Variants in FRMPD4 observed in about 807,000 individuals in gnomAD.
FRMPD4 encodes the protein FERM and PDZ domain containing 4, also known as FERM and PDZ domain-containing protein 4.
In FRMPD4, 22 loss-of-function variants were observed where a neutral mutation model predicts 94.1. That is an observed-to-expected ratio of 0.23 (90% CI 0.17 to 0.33). The LOEUF is 0.33. FRMPD4 is among the 10% of genes least tolerant of loss of function. FRMPD4 has a pLI of 1.00. For synonymous variants in FRMPD4, 631 were observed against 548.6 expected (o/e 1.15, Z -2.10); for missense variants, 1,111 against 1,339.9 (o/e 0.83, Z 2.67).
At chrX:12,668,880 C>T (rs779896430) in intron 4 of FRMPD4, among the ~76,000 whole-genome samples, 3 of 111,533 alleles carry the variant, frequency 2.7e-5, no homozygotes, top group Non-Finnish European at 5.6e-5. Flanking sequence ...GCTGGGATTA[C>T]AGGCATGAGC....
chrX:12,522,719 C>G lies in FRMPD4; in HGVS notation c.158+23923C>G, dbSNP rs1379383861. On this transcript the variant is annotated intron_variant, in intron 2 of 16. Transcript: ENST00000675598. ...CCTGATTCAAGTGATTTTCCCACCT[C>G]AGCCTCCCAGGTAGCTGAGACTACA... Among the ~76,000 whole-genome samples, 10 of 106,853 alleles carry G rather than the reference C, an allele frequency of 9.4e-5. 1 individual carries two copies. In the Admixed American group the frequency reaches 1.0e-3, roughly 11 times the overall value. The allele number at this position is 106,853 out of a possible 115,157, so 92.8% of individuals were successfully genotyped here.
intron 1 of FRMPD4, among the ~76,000 whole-genome samples, chrX:12,353,474 G>A (rs73632679): frequency 0.016 from 1,744 of 111,962 alleles, 29 homozygotes; most frequent in African/African-American, 0.053. Flanking sequence ...CTCGCTAGCT[G>A]AAGCTCAAAG....
intron 1 of FRMPD4, among the ~76,000 whole-genome samples, chrX:12,369,544 G>T (rs1224771988): frequency 8.9e-6 from 1 of 112,588 alleles, no homozygotes; most frequent in Non-Finnish European, 1.9e-5. Context: ...TACAATGTAA[G>T]AAGTGTTATA....
chrX:12,625,682 A>G (rs1008400235), intron 4 of FRMPD4, among the ~76,000 whole-genome samples: 21 of 111,771 alleles, frequency 1.9e-4, no homozygotes, highest in Non-Finnish European at 5.6e-5. Context: ...AATGGGTACA[A>G]AAATACAGTT....
intron 1 of FRMPD4, among the ~76,000 whole-genome samples, chrX:12,161,540 T>C (rs1192306379): frequency 1.8e-5 from 2 of 111,760 alleles, no homozygotes; most frequent in Non-Finnish European, 3.8e-5. Flanking sequence ...ATAGGTTCTA[T>C]TGTTATTCCG....
intron 1 of FRMPD4, among the ~76,000 whole-genome samples, chrX:12,473,558 T>C (rs1178177243): frequency 9.1e-6 from 1 of 109,694 alleles, no homozygotes; most frequent in Non-Finnish European, 1.9e-5. Context: ...GTGTGCTCTA[T>C]TCAGGAAACC....
At chrX:11,899,996 C>G (rs867793636) in intron 3 of FRMPD4, among the ~76,000 whole-genome samples, 1 of 112,077 alleles carries the variant, frequency 8.9e-6, no homozygotes, top group South Asian at 3.7e-4. Flanking sequence ...TTCCACAGCC[C>G]CTTCTGGAGA....
At chrX:12,116,412 G>A (rs181365157) in intron 3 of FRMPD4, among the ~76,000 whole-genome samples, 5 of 112,480 alleles carry the variant, frequency 4.4e-5, no homozygotes, top group South Asian at 3.6e-4. Flanking sequence ...TTGAGCAGGT[G>A]AAGAAATAAT....
chrX:12,332,699 C>A (rs1305723202), intron 1 of FRMPD4, among the ~76,000 whole-genome samples: 3 of 111,260 alleles, frequency 2.7e-5, no homozygotes, highest in East Asian at 2.8e-4. Context: ...AATTGAGAAA[C>A]CTGAAAGGAG....
At chrX:12,652,370 A>G in intron 4 of FRMPD4, among the ~76,000 whole-genome samples, 1 of 112,541 alleles carries the variant, frequency 8.9e-6, no homozygotes, top group Middle Eastern at 4.6e-3. Flanking sequence ...GGTAAAATGT[A>G]TACAACACAC....
rs561990338 is a variant in FRMPD4, at chrX:12,198,459, C to A, written c.41+59447C>A. On this transcript the variant is annotated intron_variant, in intron 1 of 16. Coordinates refer to ENST00000675598, the MANE Select transcript of FRMPD4 (RefSeq NM_001368397.1). ...TTCTCACAACCCCACCCCGACTTAC[C>A]AAATCCCAGGTGAGTCTTGTGCACA... 8.9e-5 allele frequency among the ~76,000 whole-genome samples: 10 copies of A among 111,996 alleles called. No individual in the cohort carries two copies. The South Asian group carries it at 3.8e-3, about 42-fold the overall frequency.
chrX:11,954,447 G>A (rs2054243443), intron 3 of FRMPD4, among the ~76,000 whole-genome samples: 1 of 112,042 alleles, frequency 8.9e-6, no homozygotes, highest in Non-Finnish European at 1.9e-5. Context: ...AGAGAATAAT[G>A]TGGCTAAGAG....
chrX:11,968,931 G>A (rs762459052), intron 3 of FRMPD4, among the ~76,000 whole-genome samples: 3 of 112,238 alleles, frequency 2.7e-5, no homozygotes, highest in East Asian at 2.8e-4. Context: ...TAGCACCCAC[G>A]TTCTCAACCA....
chrX:12,326,465 A>G (rs758531653), intron 1 of FRMPD4, among the ~76,000 whole-genome samples: 2 of 111,187 alleles, frequency 1.8e-5, no homozygotes, highest in Non-Finnish European at 3.8e-5. Flanking sequence ...TTCAATGCCA[A>G]TAGAATCCCC....
intron 1 of FRMPD4, among the ~76,000 whole-genome samples, chrX:11,837,577 T>G (rs936010062): frequency 9.0e-6 from 1 of 111,727 alleles, no homozygotes; most frequent in Non-Finnish European, 1.9e-5. Context: ...GCATGATTCA[T>G]GTTAGGACTG....
chrX:12,658,299 CCT>C (rs1457566473), intron 4 of FRMPD4, among the ~76,000 whole-genome samples: 1 of 111,839 alleles, frequency 8.9e-6, no homozygotes, highest in Admixed American at 9.4e-5. Context: ...ATACACTGTC[CCT>C]GATTTTAGGG....
At position 12,658,675 on chromosome X, in the gene FRMPD4, CT is replaced by C. The variant is rs922802264; in HGVS notation, c.423-16176del. Among the ~76,000 whole-genome samples the C allele has an allele frequency of 4.2e-3, 441 of 104,290 alleles. 1 individual carries two copies. The highest frequency in any genetic ancestry group is 0.013 in the African/African-American group (378 of 29,061). The allele number at this position is 104,290 out of a possible 115,157, so 90.6% of individuals were successfully genotyped here. ...TGTTTAAGAAAAACATCCACCCCAA[CT>C]TTTTTTTTTTTAGTACTTTTTGTGC... On this transcript the variant is annotated intron_variant, in intron 4 of 16. Transcript: ENST00000675598.
intron 14 of FRMPD4, among the ~76,000 whole-genome samples, chrX:12,713,484 G>A (rs1456143845): frequency 2.4e-5 from 1 of 40,985 alleles, no homozygotes; most frequent in Non-Finnish European, 4.3e-5. Flanking sequence ...GGTAGGTGGA[G>A]AGAGAGAGAG....
chrX:12,222,680 C>G (rs1344313800), intron 1 of FRMPD4, among the ~76,000 whole-genome samples: 1 of 112,218 alleles, frequency 8.9e-6, no homozygotes. Flanking sequence ...TCCAACCAAC[C>G]ATTGATCTGC....
Sources: gnomAD v4.1 joint callset for allele counts (sites outside exome capture counted in the v4.1 genomes callset) on GRCh38, gnomAD v4.1.1 for gene constraint, MANE v1.5 for transcripts, NCBI Gene and HGNC (gene_info 2026-07-23, HGNC 2026-07-21) for gene names.